Variants in PTPRD observed in about 807,000 individuals in gnomAD.
The protein encoded by PTPRD is protein tyrosine phosphatase receptor type D.
In PTPRD, 34 loss-of-function variants were observed where a neutral mutation model predicts 214.5. The ratio of observed to expected loss-of-function variants is 0.16; its 90% CI spans 0.12 to 0.21. The LOEUF (loss-of-function observed/expected upper bound fraction) is 0.21, where lower values mean the gene tolerates loss of function less well. Among genes scored for constraint, PTPRD ranks in the 10% least tolerant of loss-of-function variants. The probability of loss-of-function intolerance (pLI) is 1.00; values close to 1 mark genes in which losing one functional copy is unlikely to be tolerated. For missense variants in PTPRD, 2,545 were observed against 2,398.7 expected (o/e 1.06, Z -1.27); for synonymous variants, 1,128 against 845.7 (o/e 1.33, Z -5.79).
In PTPRD at chr9:9,270,930, T is replaced by C. The variant is rs759590118; in HGVS notation, c.-202-87567A>G. On this transcript the variant is annotated intron_variant, in intron 9 of 45. Transcript: ENST00000381196. Reference sequence around the variant, plus strand: ...AAAGAACACTCTTCGAATTATTGCCTGGAGTACTTGCATAAACACTGGATT... The same window carrying C: ...AAAGAACACTCTTCGAATTATTGCCCGGAGTACTTGCATAAACACTGGATT... 2.8e-4 allele frequency among the ~76,000 whole-genome samples: 43 copies of C among 151,390 alleles called. 1 individual carries two copies. In the Middle Eastern group the frequency reaches 0.014, roughly 48 times the overall value.
chr9:10,479,660 A>AATAAATAAATAAATAAATAAATAAAT (rs763212006), intron 2 of PTPRD, among the ~76,000 whole-genome samples: 3 of 90,896 alleles, frequency 3.3e-5, no homozygotes, highest in African/African-American at 1.0e-4. Flanking sequence ...TAAATAAATA[A>AATAAATAAATAAATAAATAAATAAAT]ACAAAAATAC....
chr9:8,606,643 GCCTTTCTC>G (rs1305885131), intron 14 of PTPRD, among the ~76,000 whole-genome samples: 3 of 152,118 alleles, frequency 2.0e-5, no homozygotes, highest in African/African-American at 4.8e-5. Flanking sequence ...AATCCATTCT[GCCTTTCTC>G]CCTTTCTCCT....
chr9:9,974,391 A>C (rs957293931), intron 4 of PTPRD, among the ~76,000 whole-genome samples: 1 of 152,210 alleles, frequency 6.6e-6, no homozygotes, highest in African/African-American at 2.4e-5. Context: ...CCATGGGTTC[A>C]TGTGGACAGA....
chr9:10,405,948 A>C (rs1031538774), intron 2 of PTPRD, among the ~76,000 whole-genome samples: 5 of 151,444 alleles, frequency 3.3e-5, no homozygotes, highest in Non-Finnish European at 5.9e-5. Context: ...TAATGCTCTT[A>C]AACTATATCA....
At chr9:9,380,988 A>G (rs958285765) in intron 9 of PTPRD, among the ~76,000 whole-genome samples, 3 of 152,090 alleles carry the variant, frequency 2.0e-5, no homozygotes, top group Admixed American at 1.3e-4. Flanking sequence ...TTTGTCTGAA[A>G]CTAATAATAG....
At chr9:9,818,651 C>A (rs748281488) in intron 5 of PTPRD, among the ~76,000 whole-genome samples, 1 of 152,006 alleles carries the variant, frequency 6.6e-6, no homozygotes, top group East Asian at 1.9e-4. Flanking sequence ...GGCGTGGTGG[C>A]TCATGCCTGT....
chr9:10,071,790 G>T (rs1280607882), intron 3 of PTPRD, among the ~76,000 whole-genome samples: 1 of 150,800 alleles, frequency 6.6e-6, no homozygotes, highest in Non-Finnish European at 1.5e-5. Context: ...TAGTTTCAGG[G>T]AAAAAAAACA....
intron 10 of PTPRD, among the ~76,000 whole-genome samples, chr9:9,104,310 T>A (rs540838774): frequency 1.1e-4 from 16 of 139,802 alleles, no homozygotes; most frequent in African/African-American, 4.8e-4. Flanking sequence ...TTCTTTTGAA[T>A]TTTTTTCCCC....
chr9:8,423,466 T>C (rs534840223), intron 35 of PTPRD, among the ~76,000 whole-genome samples: 5 of 152,312 alleles, frequency 3.3e-5, no homozygotes, highest in African/African-American at 9.6e-5. Flanking sequence ...TGAAATTAAG[T>C]TGCAGAAACA....
At chr9:8,735,604 A>T (rs10977267) in intron 11 of PTPRD, among the ~76,000 whole-genome samples, 34,665 of 152,156 alleles carry the variant, frequency 0.23, 4,268 homozygotes, top group East Asian at 0.52. Flanking sequence ...AAACCAGAAG[A>T]TGAAGCAAAA....
intron 10 of PTPRD, among the ~76,000 whole-genome samples, chr9:9,095,497 A>G (rs767321534): frequency 6.6e-6 from 1 of 152,142 alleles, no homozygotes; most frequent in Non-Finnish European, 1.5e-5. Flanking sequence ...GTATATTAAA[A>G]ATATATATCT....
intron 9 of PTPRD, among the ~76,000 whole-genome samples, chr9:9,334,607 C>G (rs1307650445): frequency 6.6e-6 from 1 of 151,964 alleles, no homozygotes; most frequent in Admixed American, 6.6e-5. Context: ...CTCCTTATCT[C>G]TCTGTGCCTG....
chr9:10,605,739 T>A (rs570220446), intron 2 of PTPRD, among the ~76,000 whole-genome samples: 3 of 151,914 alleles, frequency 2.0e-5, no homozygotes, highest in Non-Finnish European at 4.4e-5. Flanking sequence ...AATTTTATGA[T>A]AACGTGGATA....
chr9:8,394,067 A>T (rs183678055), intron 36 of PTPRD, among the ~76,000 whole-genome samples: 4 of 152,196 alleles, frequency 2.6e-5, no homozygotes, highest in African/African-American at 9.6e-5. Flanking sequence ...GGCACGTTTT[A>T]GGCTCTCATT....
Position 10,146,721 on chromosome 9 carries a change from C to T in PTPRD, c.-544-112931G>A, listed in dbSNP as rs549088838. ...GAAGCCGACCGAGCACTGTACTTTGCTCCTTTTTTTGTTTGTTTGTTTTGT... is the reference window on the plus strand; with the variant it reads ...GAAGCCGACCGAGCACTGTACTTTGTTCCTTTTTTTGTTTGTTTGTTTTGT... On this transcript the variant is annotated intron_variant, in intron 3 of 45. Transcript: ENST00000381196. 5.9e-5 allele frequency among the ~76,000 whole-genome samples: 9 copies of T among 152,172 alleles called. 1 individual carries two copies. The South Asian group carries it at 1.9e-3, about 32-fold the overall frequency.
intron 5 of PTPRD, among the ~76,000 whole-genome samples, chr9:9,860,357 G>A (rs2062458465): frequency 6.6e-6 from 1 of 152,180 alleles, no homozygotes; most frequent in South Asian, 2.1e-4. Flanking sequence ...GAGGAATTCT[G>A]TTTCTTTCTT....
At chr9:9,646,862 C>A (rs1453576008) in intron 7 of PTPRD, among the ~76,000 whole-genome samples, 2 of 152,108 alleles carry the variant, frequency 1.3e-5, no homozygotes, top group Non-Finnish European at 2.9e-5. Flanking sequence ...TATTGTAGTA[C>A]AATAATGTGG....
At chr9:10,294,849 A>G (rs1420863805) in intron 3 of PTPRD, among the ~76,000 whole-genome samples, 1 of 152,036 alleles carries the variant, frequency 6.6e-6, no homozygotes. Flanking sequence ...ATGTTTATTT[A>G]CTGATACTAA....
At chr9:8,490,108 A>T (rs939834743) in intron 27 of PTPRD, among the ~76,000 whole-genome samples, 1 of 152,132 alleles carries the variant, frequency 6.6e-6, no homozygotes. Flanking sequence ...CTGGAGCTTG[A>T]GGGTTGGTAA....
Sources: gnomAD v4.1 joint callset for allele counts (sites outside exome capture counted in the v4.1 genomes callset) on GRCh38, gnomAD v4.1.1 for gene constraint, MANE v1.5 for transcripts, NCBI Gene and HGNC (gene_info 2026-07-23, HGNC 2026-07-21) for gene names.